Variants in ZNF385D observed in about 807,000 individuals in gnomAD.
The protein encoded by ZNF385D is zinc finger protein 659.
Under a neutral mutation model 35.8 loss-of-function variants are expected in ZNF385D, and 15 were observed. The ratio of observed to expected loss-of-function variants is 0.42; its 90% confidence interval spans 0.28 to 0.64. The LOEUF is 0.64. ZNF385D is among the 30% of genes least tolerant of loss of function. The probability of loss-of-function intolerance (pLI) is 0.23; values close to 1 mark genes in which losing one functional copy is unlikely to be tolerated. For synonymous variants in ZNF385D, 212 were observed against 186.8 expected (o/e 1.13, Z -1.10); for missense variants, 474 against 494.6 (o/e 0.96, Z 0.39).
intron 3 of ZNF385D, among the ~76,000 whole-genome samples, chr3:21,989,882 ATTTCTTTCTG>A (rs1490962867): frequency 1.3e-5 from 2 of 152,142 alleles, no homozygotes; most frequent in African/African-American, 4.8e-5. Context: ...TTGAGTGAGA[ATTTCTTTCTG>A]TTTCTAATCT....
At chr3:21,724,817 T>C (rs990409830) in intron 1 of ZNF385D, among the ~76,000 whole-genome samples, 4 of 152,048 alleles carry the variant, frequency 2.6e-5, no homozygotes, top group Non-Finnish European at 5.9e-5. Context: ...TGAACTCAGC[T>C]CTGGACCAAG....
intron 3 of ZNF385D, among the ~76,000 whole-genome samples, chr3:21,544,554 C>T (rs1220161574): frequency 1.3e-5 from 2 of 151,930 alleles, no homozygotes; most frequent in Non-Finnish European, 2.9e-5. Context: ...TGGAAAAATT[C>T]TGGAAATTAA....
intron 4 of ZNF385D, among the ~76,000 whole-genome samples, chr3:21,480,815 A>C (rs760894677): frequency 1.8e-4 from 27 of 152,314 alleles, no homozygotes; most frequent in Non-Finnish European, 3.2e-4. Context: ...TCTGTCCTAT[A>C]ATTCAAATAC....
At chr3:21,566,259 A>ACAT (rs2063143455) in intron 2 of ZNF385D, among the ~76,000 whole-genome samples, 1 of 151,952 alleles carries the variant, frequency 6.6e-6, no homozygotes, top group African/African-American at 2.4e-5. Flanking sequence ...TATCTAACAA[A>ACAT]CATTAATCCT....
At chr3:22,366,841 AAGAG>A (rs1183580961) in intron 2 of ZNF385D, among the ~76,000 whole-genome samples, 3 of 152,204 alleles carry the variant, frequency 2.0e-5, no homozygotes, top group African/African-American at 4.8e-5. Flanking sequence ...AAGAGAAACA[AAGAG>A]AGATCAGACA....
chr3:22,216,939 C>A (rs942058076), intron 2 of ZNF385D, among the ~76,000 whole-genome samples: 29 of 152,138 alleles, frequency 1.9e-4, no homozygotes, highest in African/African-American at 6.5e-4. Context: ...CAAATCAACA[C>A]TGGAGAGAGA....
chr3:22,146,701 T>C (rs1308641689), intron 3 of ZNF385D, among the ~76,000 whole-genome samples: 1 of 152,186 alleles, frequency 6.6e-6, no homozygotes. Context: ...TACCTAGAAA[T>C]ATTGATTCTG....
intron 2 of ZNF385D, among the ~76,000 whole-genome samples, chr3:22,176,976 T>C (rs1694873910): frequency 6.6e-6 from 1 of 152,202 alleles, no homozygotes; most frequent in African/African-American, 2.4e-5. Context: ...TGAAAAATTA[T>C]ATTATATTAC....
chr3:21,828,608 G>A (rs559707932), intron 3 of ZNF385D, among the ~76,000 whole-genome samples: 51 of 152,268 alleles, frequency 3.3e-4, no homozygotes, highest in Non-Finnish European at 6.5e-4. Flanking sequence ...GTGTCAGGCA[G>A]GTATGGATAG....
intron 3 of ZNF385D, among the ~76,000 whole-genome samples, chr3:21,914,298 C>A (rs1239712238): frequency 1.3e-5 from 2 of 151,408 alleles, no homozygotes; most frequent in South Asian, 2.1e-4. Flanking sequence ...ACATTGACTT[C>A]AAGTGTTAGT....
At chr3:21,842,872 C>T (rs1695765352) in intron 3 of ZNF385D, among the ~76,000 whole-genome samples, 1 of 152,078 alleles carries the variant, frequency 6.6e-6, no homozygotes, top group Non-Finnish European at 1.5e-5. Flanking sequence ...ATTTTGGTCT[C>T]TTCCATTTAT....
intron 4 of ZNF385D, among the ~76,000 whole-genome samples, chr3:21,467,539 G>T (rs954544376): frequency 4.6e-5 from 7 of 152,106 alleles, no homozygotes; most frequent in African/African-American, 1.7e-4. Flanking sequence ...AGCAGAAAGG[G>T]GGCAAGCTGG....
At chr3:22,181,962 C>G (rs1695308431) in intron 2 of ZNF385D, among the ~76,000 whole-genome samples, 1 of 152,070 alleles carries the variant, frequency 6.6e-6, no homozygotes, top group African/African-American at 2.4e-5. Flanking sequence ...AAAAATGAAA[C>G]CATAATAAGC....
At chr3:21,620,252 C>A (rs1044383775) in intron 2 of ZNF385D, among the ~76,000 whole-genome samples, 9 of 152,222 alleles carry the variant, frequency 5.9e-5, no homozygotes, top group Non-Finnish European at 1.2e-4. Context: ...CCTCTAATAT[C>A]TTTTCCAAAA....
chr3:22,371,332 C>T (rs1487599049), intron 2 of ZNF385D, among the ~76,000 whole-genome samples: 1 of 152,132 alleles, frequency 6.6e-6, no homozygotes, highest in East Asian at 1.9e-4. Flanking sequence ...AGATGATTTC[C>T]CCACCATATT....
At chr3:22,192,007 G>A (rs1203911007) in intron 2 of ZNF385D, among the ~76,000 whole-genome samples, 1 of 152,114 alleles carries the variant, frequency 6.6e-6, no homozygotes, top group Non-Finnish European at 1.5e-5. Context: ...AAGAGGATAT[G>A]ATTTTTTTCG....
chr3:21,805,341 G>C (rs2072594003), intron 3 of ZNF385D, among the ~76,000 whole-genome samples: 1 of 152,146 alleles, frequency 6.6e-6, no homozygotes, highest in Admixed American at 6.5e-5. Context: ...GTAAATCTGG[G>C]TGCTTAGGTA....
chr3:21,794,323 T>C lies in ZNF385D; in HGVS notation c.326-129295A>G, dbSNP rs564613144. Among the ~76,000 whole-genome samples, 13 of 152,192 alleles carry C rather than the reference T, an allele frequency of 8.5e-5. 1 individual carries two copies. In the South Asian group the frequency reaches 2.5e-3, roughly 29 times the overall value. ...GGAGCTTCTGATCTAGTAAGGTGAC[T>C]GGACATTCCTGAGGACTTCTGGCCT... is the stretch of plus-strand genomic sequence containing the variant. On this transcript the variant is annotated intron_variant, in intron 3 of 5. Transcript: ENST00000494108.
At chr3:22,254,961 A>G (rs1344753258) in intron 2 of ZNF385D, among the ~76,000 whole-genome samples, 1 of 151,874 alleles carries the variant, frequency 6.6e-6, no homozygotes, top group Non-Finnish European at 1.5e-5. Flanking sequence ...CTAAGGGATA[A>G]TTCATGTCCC....
Sources: allele counts gnomAD v4.1 joint callset (sites outside exome capture counted in the v4.1 genomes callset), GRCh38; gene constraint gnomAD v4.1.1; transcripts MANE v1.5; gene names NCBI Gene and HGNC (gene_info 2026-07-23, HGNC 2026-07-21).